RPIA: variants seen among roughly 807,000 people sequenced by gnomAD.
The protein encoded by RPIA is ribose 5-phosphate isomerase A.
In RPIA, 29 loss-of-function variants were observed where a neutral mutation model predicts 37.8. That is an observed-to-expected ratio of 0.77 (90% CI 0.57 to 1.05). The LOEUF is 1.05. RPIA is among the 50% of genes least tolerant of loss of function. The pLI, the probability that RPIA is intolerant of heterozygous loss-of-function variation, is 0.00. For synonymous variants in RPIA, 167 were observed against 157.0 expected, an observed-to-expected ratio of 1.06 and a Z score of -0.48; for missense variants, 385 against 413.6, an observed-to-expected ratio of 0.93 and a Z score of 0.60.
chr2:88,740,823 T>A (rs1673373041), intron 8 of RPIA, among the ~76,000 whole-genome samples: 1 of 152,206 alleles, frequency 6.6e-6, no homozygotes, highest in African/African-American at 2.4e-5. Flanking sequence ...TGAACCTGAT[T>A]TAACTGTTTT....
chr2:88,701,541 C>T (rs1357037415), intron 3 of RPIA, among the ~76,000 whole-genome samples: 1 of 6,818 alleles, frequency 1.5e-4, no homozygotes, highest in Non-Finnish European at 2.7e-4. Context: ...AAAGCACACT[C>T]TTATTACCTC....
Position 88,734,572 on chromosome 2 carries a change from T to C in RPIA, c.483T>C (p.Gly161=). ...TACAGATCGACCTTGCCATCGATGG[T>C]GCTGATGAAGTAGATGCTGATCTCA... ...RHPEIDLAID[G]ADEVDADLNL... is the part of the protein sequence containing the mutation. The change falls in exon 5 of 9, where the codon GGT becomes GGC. Residue 161 remains glycine, a synonymous_variant. Transcript: ENST00000283646. The C allele has an allele frequency of 6.2e-7, 1 of 1,614,190 alleles. No individual in the cohort carries two copies. Among genetic ancestry groups the C allele is most frequent in the Non-Finnish European group, 8.5e-7 (1 of 1,180,010 alleles).
At chr2:88,736,806 T>A in intron 7 of RPIA, 130 bp downstream of exon 7, 3 of 1,175,460 alleles carry the variant, frequency 2.6e-6, no homozygotes, top group Non-Finnish European at 3.5e-6. Flanking sequence ...TTTTAATTGA[T>A]GTATTTGTTT....
intron 3 of RPIA, among the ~76,000 whole-genome samples, chr2:88,727,101 G>A (rs772934921): frequency 9.9e-5 from 15 of 151,898 alleles, no homozygotes; most frequent in East Asian, 3.9e-4. Context: ...GTGTGTGCGC[G>A]CGCATGTGTG....
intron 3 of RPIA, among the ~76,000 whole-genome samples, chr2:88,712,744 G>C (rs1672974791): frequency 6.6e-6 from 1 of 152,172 alleles, no homozygotes; most frequent in East Asian, 1.9e-4. Context: ...TGTGAAGGCT[G>C]TTTGGGTCAT....
intron 3 of RPIA, among the ~76,000 whole-genome samples, chr2:88,717,788 C>T (rs1367321814): frequency 6.6e-6 from 1 of 152,026 alleles, no homozygotes; most frequent in East Asian, 1.9e-4. Context: ...ACAGGTAGTT[C>T]CTGAGTTATT....
At chr2:88,698,889 A>T (rs1402304412) in intron 2 of RPIA, among the ~76,000 whole-genome samples, 1 of 152,210 alleles carries the variant, frequency 6.6e-6, no homozygotes, top group Non-Finnish European at 1.5e-5. Flanking sequence ...CCTCAGGCAG[A>T]TAATTGAGGC....
At position 88,735,721 on chromosome 2, in the gene RPIA, G is replaced by T. The variant is rs1280247064; in HGVS notation, c.580G>T (p.Val194Leu). The change falls in exon 6 of 9, where the codon GTG (valine) becomes TTG (leucine). Residue 194 changes from valine to leucine, a missense_variant. Transcript: ENST00000283646. The stretch of plus-strand genomic sequence containing the variant: ...GGCTGGCTATGCTAGTCGCTTCATC[G>T]TGATCGCTGATTTCAGGTACAGTTT... Reference protein sequence around the residue: ...IVAGYASRFIVIADFRKDSKN... With the variant: ...IVAGYASRFILIADFRKDSKN... The T allele has an allele frequency of 1.2e-6, 2 of 1,613,900 alleles. No individual in the cohort carries two copies. The highest frequency in any genetic ancestry group is 1.7e-6 in the Non-Finnish European group (2 of 1,179,950).
At chr2:88,722,163 C>T (rs1193559549) in intron 3 of RPIA, among the ~76,000 whole-genome samples, 1 of 148,814 alleles carries the variant, frequency 6.7e-6, no homozygotes, top group Admixed American at 6.6e-5. Context: ...CCAAAAAAAC[C>T]CTTTTTTTTT....
intron 3 of RPIA, among the ~76,000 whole-genome samples, chr2:88,713,002 G>A (rs1382585668): frequency 2.0e-5 from 3 of 151,072 alleles, no homozygotes; most frequent in Non-Finnish European, 4.4e-5. Flanking sequence ...CCAAGTAGCT[G>A]GGAGTACAGG....
At chr2:88,704,239 T>C (rs1205183688) in intron 3 of RPIA, among the ~76,000 whole-genome samples, 1 of 152,224 alleles carries the variant, frequency 6.6e-6, no homozygotes, top group Non-Finnish European at 1.5e-5. Context: ...CGCCTCACTC[T>C]GCTGGTACCA....
At chr2:88,697,055 A>G (rs1228314653) in intron 1 of RPIA, among the ~76,000 whole-genome samples, 3 of 152,242 alleles carry the variant, frequency 2.0e-5, no homozygotes, top group South Asian at 2.1e-4. Context: ...ACAGAACACT[A>G]TTAATTTGCA....
chr2:88,748,419 A>G (rs1673463767), intron 8 of RPIA, among the ~76,000 whole-genome samples: 1 of 152,186 alleles, frequency 6.6e-6, no homozygotes, highest in Non-Finnish European at 1.5e-5. Context: ...ACTGGATGAA[A>G]GGATTAATGT....
At chr2:88,724,596 A>G (rs1233677080) in intron 3 of RPIA, among the ~76,000 whole-genome samples, 1 of 152,114 alleles carries the variant, frequency 6.6e-6, no homozygotes, top group East Asian at 1.9e-4. Context: ...GGAGTGAACC[A>G]CTGTGCCTGG....
At chr2:88,699,688 T>C (rs764357926) in intron 2 of RPIA, among the ~76,000 whole-genome samples, 3 of 152,222 alleles carry the variant, frequency 2.0e-5, no homozygotes, top group Non-Finnish European at 2.9e-5. Flanking sequence ...GGAAAATAAT[T>C]TAACTTACCT....
chr2:88,702,578 T>G (rs2104078984), intron 3 of RPIA, among the ~76,000 whole-genome samples: 1 of 152,352 alleles, frequency 6.6e-6, no homozygotes, highest in East Asian at 1.9e-4. Context: ...TGCTCACTAC[T>G]ATGAGAACAG....
In RPIA at chr2:88,698,447, T is replaced by G. The variant is rs556933085; in HGVS notation, c.286-37T>G. 11 of 1,579,714 alleles carry G rather than the reference T, an allele frequency of 7.0e-6. No homozygotes were observed. In the African/African-American group the frequency reaches 1.1e-4, roughly 15 times the overall value. On this transcript the variant is annotated intron_variant, in intron 1 of 8. Coordinates refer to ENST00000283646, the MANE Select transcript of RPIA (RefSeq NM_144563.3). ...CTGACAAAGGAGTAAAATATGATAT[T>G]AATAAGTTTTGTTTTTTCTTCCCCG...
At chr2:88,749,566 A>G (rs1673477597) in intron 8 of RPIA, among the ~76,000 whole-genome samples, 1 of 152,322 alleles carries the variant, frequency 6.6e-6, no homozygotes, top group South Asian at 2.1e-4. Context: ...GGCTGGTGGT[A>G]TGATTGAAAA....
Position 88,691,928 on chromosome 2 carries a change from A to G in RPIA, c.230A>G (p.Lys77Arg). The change falls in exon 1 of 9, where the codon AAG (lysine) becomes AGG (arginine). Residue 77 changes from lysine to arginine, a missense_variant. By Grantham distance (26) the Lys-to-Arg change is conservative. Transcript: ENST00000283646. Reference protein sequence around the residue: ...SICPAPSTMSKAEEAKKLAGR... With the variant: ...SICPAPSTMSRAEEAKKLAGR... Reference sequence around the variant, plus strand: ...TGCCCGGCCCCCTCCACGATGTCCAAGGCCGAGGAGGCCAAGAAGCTGGCG... The same window carrying G: ...TGCCCGGCCCCCTCCACGATGTCCAGGGCCGAGGAGGCCAAGAAGCTGGCG... 6.3e-7 allele frequency: 1 copy of G among 1,597,428 alleles called. No individual in the cohort carries two copies. Among genetic ancestry groups the G allele is most frequent in the South Asian group, 1.1e-5 (1 of 88,248 alleles).
Sources: gnomAD v4.1 joint callset for allele counts (sites outside exome capture counted in the v4.1 genomes callset) on GRCh38, gnomAD v4.1.1 for gene constraint, MANE v1.5 for transcripts, NCBI Gene and HGNC (gene_info 2026-07-23, HGNC 2026-07-21) for gene names.